DNER: variants seen among roughly 807,000 people sequenced by gnomAD.
DNER encodes delta and Notch-like epidermal growth factor-related receptor.
Under a neutral mutation model 78.2 loss-of-function variants are expected in DNER, and 33 were observed. That is an observed-to-expected ratio of 0.42 (90% confidence interval 0.32 to 0.56). The LOEUF (loss-of-function observed/expected upper bound fraction) is 0.56, where lower values mean the gene tolerates loss of function less well. Ranked by LOEUF, DNER falls within the 20% of genes least tolerant of loss-of-function variation. DNER has a pLI of 0.11. For missense variants in DNER, 918 were observed against 975.3 expected (o/e 0.94, Z 0.78); for synonymous variants, 417 against 384.8 (o/e 1.08, Z -0.98).
At chr2:229,401,531 T>A (rs1362589710) in intron 10 of DNER, among the ~76,000 whole-genome samples, 2 of 151,986 alleles carry the variant, frequency 1.3e-5, no homozygotes, top group Non-Finnish European at 2.9e-5. Flanking sequence ...ATAACCTGGA[T>A]GCATCTCCAA....
chr2:229,436,751 G>T (rs1027423655), intron 8 of DNER, among the ~76,000 whole-genome samples: 1 of 152,166 alleles, frequency 6.6e-6, no homozygotes, highest in South Asian at 2.1e-4. Context: ...AAATGTTAGG[G>T]GAATTTGTCA....
intron 7 of DNER, among the ~76,000 whole-genome samples, chr2:229,461,434 A>G (rs1694699242): frequency 6.6e-6 from 1 of 151,984 alleles, no homozygotes; most frequent in African/African-American, 2.4e-5. Context: ...CCCCTTATAG[A>G]ATATGCAAAT....
intron 1 of DNER, among the ~76,000 whole-genome samples, chr2:229,597,597 G>A (rs187324489): frequency 3.5e-4 from 54 of 152,262 alleles, no homozygotes; most frequent in African/African-American, 1.3e-3. Context: ...TGTAATACAT[G>A]ATATTTTCCG....
chr2:229,597,088 C>T (rs932771167), intron 1 of DNER, among the ~76,000 whole-genome samples: 1 of 61,432 alleles, frequency 1.6e-5, no homozygotes, highest in South Asian at 5.8e-4. Flanking sequence ...TGTGTGCACA[C>T]ATGCACACAC....
intron 5 of DNER, among the ~76,000 whole-genome samples, chr2:229,520,286 T>C (rs781776785): frequency 1.3e-5 from 2 of 152,190 alleles, no homozygotes; most frequent in Non-Finnish European, 2.9e-5. Flanking sequence ...TTTGAGCACA[T>C]GTTTATACAA....
intron 8 of DNER, among the ~76,000 whole-genome samples, chr2:229,425,777 A>G (rs1162817587): frequency 1.3e-5 from 2 of 152,152 alleles, no homozygotes; most frequent in African/African-American, 4.8e-5. Context: ...CCAGCGACTC[A>G]TCTGTCAGTA....
At chr2:229,370,643 T>C (rs1345853612) in intron 11 of DNER, among the ~76,000 whole-genome samples, 1 of 152,206 alleles carries the variant, frequency 6.6e-6, no homozygotes, top group East Asian at 1.9e-4. Context: ...CAAGCGTGAT[T>C]CACTTCATTT....
intron 8 of DNER, among the ~76,000 whole-genome samples, chr2:229,429,455 C>T (rs111454236): frequency 1.5e-4 from 23 of 152,234 alleles, no homozygotes; most frequent in Admixed American, 5.2e-4. Context: ...TGGCATTGTC[C>T]GTGAGGTGGT....
chr2:229,463,192 C>T (rs993135128), intron 7 of DNER, among the ~76,000 whole-genome samples: 3 of 152,028 alleles, frequency 2.0e-5, no homozygotes, highest in East Asian at 1.9e-4. Context: ...GCATCCAGCA[C>T]AGTGTCTGAG....
intron 7 of DNER, among the ~76,000 whole-genome samples, chr2:229,476,009 C>T (rs1306651048): frequency 6.6e-6 from 1 of 152,146 alleles, no homozygotes; most frequent in Non-Finnish European, 1.5e-5. Flanking sequence ...GCAACGTTTC[C>T]AAGTTTTCGC....
At chr2:229,551,777 C>CA (rs1196120808) in intron 4 of DNER, among the ~76,000 whole-genome samples, 1 of 151,456 alleles carries the variant, frequency 6.6e-6, no homozygotes, top group African/African-American at 2.4e-5. Context: ...ACTAAAAGTA[C>CA]AAAAAATTAC....
intron 1 of DNER, among the ~76,000 whole-genome samples, chr2:229,668,417 TTTATATATATATATATATATATATACAC>T (rs1228123325): frequency 9.0e-5 from 1 of 11,076 alleles, no homozygotes; most frequent in African/African-American, 1.3e-4. Context: ...AAAATATTCT[TTTATATATATATATATATATATATACAC>T]TTATATATAT....
At chr2:229,516,785 T>TAAAA (rs796603043) in intron 5 of DNER, among the ~76,000 whole-genome samples, 2 of 83,888 alleles carry the variant, frequency 2.4e-5, no homozygotes, top group African/African-American at 6.9e-5. Flanking sequence ...ACGCTGTCTC[T>TAAAA]AAAAAAAAAA....
intron 4 of DNER, chr2:229,580,197 T>C (rs139392837): frequency 6.6e-6 from 1 of 152,162 alleles, no homozygotes; most frequent in African/African-American, 2.4e-5. Context: ...AGTTAAGACG[T>C]CAATTAGAAA....
intron 4 of DNER, among the ~76,000 whole-genome samples, chr2:229,572,707 T>C (rs1028766089): frequency 2.0e-5 from 3 of 152,148 alleles, no homozygotes; most frequent in Non-Finnish European, 2.9e-5. Flanking sequence ...ATGGAGACTA[T>C]TAAGAGAAGA....
In DNER at chr2:229,508,881, AAAAAG is replaced by A. The variant is rs142109825; in HGVS notation, c.1147+3897_1147+3901del. Among the ~76,000 whole-genome samples, 836 of 137,318 alleles carry A rather than the reference AAAAAG, an allele frequency of 6.1e-3. 10 individuals carry two copies. The highest frequency in any genetic ancestry group is 0.026 in the Middle Eastern group (7 of 270). 90.1% of individuals were successfully genotyped at this position (137,318 alleles called of 152,430 possible). On this transcript the variant is annotated intron_variant, in intron 6 of 12. Coordinates refer to ENST00000341772, the MANE Select transcript of DNER (RefSeq NM_139072.4). ...GGGCGACAGAGTGAGACTCCATCTCAAAAAGAAAAGAAAAGAAAAGAAAAGAAAAG... is the reference window on the plus strand; with the variant it reads ...GGGCGACAGAGTGAGACTCCATCTCAAAAAGAAAAGAAAAGAAAAGAAAAG...
intron 8 of DNER, among the ~76,000 whole-genome samples, chr2:229,423,919 A>G (rs1422684178): frequency 1.3e-5 from 2 of 152,214 alleles, no homozygotes; most frequent in African/African-American, 2.4e-5. Context: ...TCCTATTTTT[A>G]TCATAGTTCT....
At chr2:229,364,942 G>A (rs535792059) in intron 12 of DNER, among the ~76,000 whole-genome samples, 3 of 144,040 alleles carry the variant, frequency 2.1e-5, no homozygotes, top group Non-Finnish European at 3.0e-5. Context: ...CCTCCACCTC[G>A]TGGGTTCAAG....
chr2:229,368,140 T>C (rs756137579), intron 11 of DNER, among the ~76,000 whole-genome samples: 2 of 152,166 alleles, frequency 1.3e-5, no homozygotes, highest in African/African-American at 4.8e-5. Flanking sequence ...GGCAGGCAGA[T>C]TGTTTTGAGC....
Sources: allele counts gnomAD v4.1 joint callset (sites outside exome capture counted in the v4.1 genomes callset), GRCh38; gene constraint gnomAD v4.1.1; transcripts MANE v1.5; gene names NCBI Gene and HGNC (gene_info 2026-07-23, HGNC 2026-07-21).